The following PDE4D variants were observed in gnomAD, a reference collection of about 807,000 sequenced individuals.
PDE4D encodes the protein 3',5'-cyclic-AMP phosphodiesterase 4D.
Under a neutral mutation model 87.4 loss-of-function variants are expected in PDE4D, and 24 were observed. That is an observed-to-expected ratio of 0.27 (90% CI 0.20 to 0.39). The LOEUF is 0.39. PDE4D is among the 10% of genes least tolerant of loss of function. The pLI is 1.00. For synonymous variants in PDE4D, 384 were observed against 383.2 expected (o/e 1.00, Z -0.02); for missense variants, 714 against 1,041.0 (o/e 0.69, Z 4.32).
At chr5:59,037,925 CAA>C (rs1700093898) in intron 6 of PDE4D, among the ~76,000 whole-genome samples, 1 of 152,004 alleles carries the variant, frequency 6.6e-6, no homozygotes, top group Admixed American at 6.6e-5. Context: ...AATAGGTGGC[CAA>C]AAATACTTAA....
At position 59,378,306 on chromosome 5, in the gene PDE4D, G is replaced by A. The variant is rs1297876941; in HGVS notation, c.456-162338C>T. On this transcript the variant is annotated intron_variant, in intron 1 of 14. Transcript: ENST00000340635. ...AGGGTAGAAGGTGGGAGGAGGGAGAGGATCAGGAAAACTAATAGGTAGTAG... is the reference window on the plus strand; with the variant it reads ...AGGGTAGAAGGTGGGAGGAGGGAGAAGATCAGGAAAACTAATAGGTAGTAG... 1.3e-5 allele frequency among the ~76,000 whole-genome samples: 2 copies of A among 152,090 alleles called. 1 individual carries two copies. The highest frequency in any genetic ancestry group is 3.9e-4 in the East Asian group (2 of 5,194).
At chr5:59,796,984 AT>A (rs1210881129) in intron 1 of PDE4D, 1 of 152,238 alleles carries the variant, frequency 6.6e-6, no homozygotes, top group Non-Finnish European at 1.5e-5. Flanking sequence ...TCACCTTTGA[AT>A]AAACTTATCC....
intron 2 of PDE4D, among the ~76,000 whole-genome samples, chr5:60,115,040 C>T (rs556607068): frequency 1.6e-4 from 25 of 151,776 alleles, no homozygotes; most frequent in East Asian, 1.4e-3. Context: ...TAGAAAAAAA[C>T]GGACAGTATT....
At chr5:59,646,775 C>T (rs1161437157) in intron 1 of PDE4D, among the ~76,000 whole-genome samples, 1 of 152,124 alleles carries the variant, frequency 6.6e-6, no homozygotes, top group Non-Finnish European at 1.5e-5. Context: ...GTAGCTCACA[C>T]CTGTAATTCC....
intron 1 of PDE4D, among the ~76,000 whole-genome samples, chr5:59,855,037 G>A (rs1405428107): frequency 6.6e-6 from 1 of 152,136 alleles, no homozygotes; most frequent in Admixed American, 6.6e-5. Context: ...GCAAATTTGA[G>A]TGTGTATATG....
intron 2 of PDE4D, among the ~76,000 whole-genome samples, chr5:60,103,646 G>A (rs905321645): frequency 3.9e-5 from 6 of 152,036 alleles, no homozygotes; most frequent in Non-Finnish European, 5.9e-5. Flanking sequence ...AAAATAAACC[G>A]AAGACAAAAC....
chr5:59,832,929 T>C (rs538044659), intron 1 of PDE4D, among the ~76,000 whole-genome samples: 29 of 152,058 alleles, frequency 1.9e-4, no homozygotes, highest in African/African-American at 6.5e-4. Flanking sequence ...GGTTCATTCG[T>C]TGAAGCAGAG....
At chr5:58,987,921 T>G (rs1472323048) in intron 11 of PDE4D, among the ~76,000 whole-genome samples, 1 of 152,150 alleles carries the variant, frequency 6.6e-6, no homozygotes, top group Non-Finnish European at 1.5e-5. Context: ...TGCTCCATAT[T>G]AAACAGTCTC....
At chr5:59,863,620 A>G (rs1746597874) in intron 1 of PDE4D, among the ~76,000 whole-genome samples, 2 of 152,132 alleles carry the variant, frequency 1.3e-5, no homozygotes, top group African/African-American at 4.8e-5. Flanking sequence ...TTCTATCTAC[A>G]TGTTAATTCT....
chr5:60,147,180 C>T (rs1473355772), intron 2 of PDE4D, among the ~76,000 whole-genome samples: 3 of 152,162 alleles, frequency 2.0e-5, no homozygotes, highest in South Asian at 2.1e-4. Context: ...ACAGGCAAAG[C>T]GTGAACTCTC....
chr5:60,331,428 C>G (rs890547012), intron 1 of PDE4D, among the ~76,000 whole-genome samples: 1 of 152,254 alleles, frequency 6.6e-6, no homozygotes, highest in Non-Finnish European at 1.5e-5. Context: ...CCCTCCTTCT[C>G]TTCATGCCAA....
chr5:59,711,326 C>A (rs1214012139), intron 1 of PDE4D, among the ~76,000 whole-genome samples: 1 of 151,926 alleles, frequency 6.6e-6, no homozygotes, highest in African/African-American at 2.4e-5. Context: ...AAGTCTCTTT[C>A]CACTGCAGTA....
At chr5:59,314,690 ACT>A (rs1378376646) in intron 1 of PDE4D, 4 of 152,046 alleles carry the variant, frequency 2.6e-5, no homozygotes, top group Non-Finnish European at 4.4e-5. Flanking sequence ...TGGCTTCATG[ACT>A]CTGGGAAAGA....
intron 1 of PDE4D, among the ~76,000 whole-genome samples, chr5:59,621,944 T>C (rs1218740063): frequency 6.6e-6 from 1 of 152,190 alleles, no homozygotes; most frequent in Non-Finnish European, 1.5e-5. Context: ...GACTTTACAG[T>C]TCAGTATATT....
In PDE4D at chr5:60,460,316, C is replaced by T. The variant is rs913991039; in HGVS notation, c.-90+27626G>A. On this transcript the variant is annotated intron_variant, in intron 1 of 16. Transcript: ENST00000502484. ...AGTTTATTTTCAAAGTAAAGATTTT[C>T]ATCAAAATAAAAATCTATTCTGTAA... The T allele has an allele frequency of 6.9e-6, 7 of 1,015,496 alleles. No individual in the cohort carries two copies. The Admixed American group carries it at 1.2e-4, about 17-fold the overall frequency. The allele number at this position is 1,015,496 out of a possible 1,614,324, so 62.9% of individuals were successfully genotyped here.
At chr5:59,736,470 G>C (rs929099811) in intron 1 of PDE4D, among the ~76,000 whole-genome samples, 2 of 152,072 alleles carry the variant, frequency 1.3e-5, no homozygotes, top group Non-Finnish European at 2.9e-5. Context: ...CCTGAGGTCA[G>C]GAGTTTGAGA....
chr5:59,507,194 T>C (rs1252724612), intron 1 of PDE4D, among the ~76,000 whole-genome samples: 1 of 151,994 alleles, frequency 6.6e-6, no homozygotes, highest in Non-Finnish European at 1.5e-5. Flanking sequence ...TAGCCGTGTG[T>C]AGTGGCAGGT....
chr5:59,518,945 C>T (rs1045148714), intron 1 of PDE4D, among the ~76,000 whole-genome samples: 3 of 152,154 alleles, frequency 2.0e-5, no homozygotes, highest in African/African-American at 7.2e-5. Flanking sequence ...ATGTTGCCTT[C>T]GAAAGGCACT....
chr5:59,545,919 T>C (rs1180132449), intron 1 of PDE4D, among the ~76,000 whole-genome samples: 2 of 152,200 alleles, frequency 1.3e-5, no homozygotes, highest in Non-Finnish European at 2.9e-5. Context: ...AAAGTTTTGT[T>C]GATGGAGTCA....
Sources: gnomAD v4.1 joint callset for allele counts (sites outside exome capture counted in the v4.1 genomes callset) on GRCh38, gnomAD v4.1.1 for gene constraint, MANE v1.5 for transcripts, NCBI Gene and HGNC (gene_info 2026-07-23, HGNC 2026-07-21) for gene names.